MSRA: variants seen among roughly 807,000 people sequenced by gnomAD.
The protein encoded by MSRA is mitochondrial peptide methionine sulfoxide reductase.
A neutral mutation model predicts 31.3 loss-of-function variants in MSRA; 54 were observed. The ratio of observed to expected loss-of-function variants is 1.73; its 90% CI spans 1.39 to 2.17. The LOEUF (loss-of-function observed/expected upper bound fraction) is 2.17, where lower values mean the gene tolerates loss of function less well. MSRA is among the 30% of genes most tolerant of loss of function. The probability of loss-of-function intolerance (pLI) is 0.00; values close to 1 mark genes in which losing one functional copy is unlikely to be tolerated. For synonymous variants in MSRA, 169 were observed against 116.5 expected (o/e 1.45, Z -2.90); for missense variants, 507 against 300.9 (o/e 1.69, Z -5.07).
intron 4 of MSRA, among the ~76,000 whole-genome samples, chr8:10,314,497 CA>C (rs140770174): frequency 1.4e-4 from 21 of 152,242 alleles, no homozygotes; most frequent in African/African-American, 5.1e-4. Context: ...CTGACATTAG[CA>C]GACTTTAATG....
chr8:10,343,171 G>C (rs1585531833), intron 5 of MSRA, among the ~76,000 whole-genome samples: 2 of 152,092 alleles, frequency 1.3e-5, no homozygotes, highest in East Asian at 3.9e-4. Flanking sequence ...CCATCTCTTG[G>C]TCTCAATTGT....
intron 3 of MSRA, among the ~76,000 whole-genome samples, chr8:10,298,046 C>T (rs117766507): frequency 1.1e-3 from 172 of 152,264 alleles, no homozygotes; most frequent in Middle Eastern, 3.4e-3. Context: ...AAACCTGGTT[C>T]GCGTATGACT....
Position 10,137,161 on chromosome 8 carries a change from C to G in MSRA, c.143-70672C>G, listed in dbSNP as rs144653335. Among the ~76,000 whole-genome samples, 269 of 152,264 alleles carry G rather than the reference C, an allele frequency of 1.8e-3. 1 individual carries two copies. Among genetic ancestry groups the G allele is most frequent in the African/African-American group, 6.1e-3 (254 of 41,546 alleles). ...TGCTTTGCTGGGACGATGGGTGGCT[C>G]GCCCAGCAAATCATCATTGGAGCCT... On this transcript the variant is annotated intron_variant, in intron 1 of 5. Transcript: ENST00000317173.
At chr8:10,193,895 A>C (rs915034676) in intron 1 of MSRA, among the ~76,000 whole-genome samples, 2 of 152,206 alleles carry the variant, frequency 1.3e-5, no homozygotes, top group Admixed American at 1.3e-4. Flanking sequence ...AAATCTACCC[A>C]CTTATTGAAA....
intron 3 of MSRA, among the ~76,000 whole-genome samples, chr8:10,297,548 C>G (rs1170372665): frequency 6.6e-6 from 1 of 152,168 alleles, no homozygotes; most frequent in Non-Finnish European, 1.5e-5. Flanking sequence ...AGCACGTTGG[C>G]TGGTTCCTGT....
intron 5 of MSRA, chr8:10,337,263 TC>T (rs1030983412): frequency 6.5e-6 from 1 of 154,646 alleles, no homozygotes. Context: ...CACTGCAAGC[TC>T]CACCTCGTGG....
At chr8:10,417,419 G>C (rs1236986559) in intron 5 of MSRA, among the ~76,000 whole-genome samples, 2 of 145,380 alleles carry the variant, frequency 1.4e-5, no homozygotes, top group Non-Finnish European at 3.0e-5. Flanking sequence ...TTCGTCAGAA[G>C]ACACACACAC....
At chr8:10,376,219 G>C (rs1805748041) in intron 5 of MSRA, among the ~76,000 whole-genome samples, 1 of 152,118 alleles carries the variant, frequency 6.6e-6, no homozygotes, top group Non-Finnish European at 1.5e-5. Context: ...CTTGTACATG[G>C]GCGATCACAT....
At chr8:10,365,734 G>C (rs377277145) in intron 5 of MSRA, among the ~76,000 whole-genome samples, 7 of 152,350 alleles carry the variant, frequency 4.6e-5, no homozygotes, top group East Asian at 3.9e-4. Context: ...AGCCTATAGG[G>C]AAGGGAGATT....
At chr8:10,257,490 C>A (rs1283771812) in intron 3 of MSRA, among the ~76,000 whole-genome samples, 2 of 152,036 alleles carry the variant, frequency 1.3e-5, no homozygotes, top group South Asian at 4.1e-4. Flanking sequence ...CACTGCAACC[C>A]CCGCCTCCCT....
At chr8:10,114,324 A>ATGT (rs1236045800) in intron 1 of MSRA, among the ~76,000 whole-genome samples, 5 of 152,140 alleles carry the variant, frequency 3.3e-5, no homozygotes, top group Admixed American at 2.0e-4. Flanking sequence ...GTGTGAATAT[A>ATGT]TGTTTTCAAT....
intron 1 of MSRA, among the ~76,000 whole-genome samples, chr8:10,090,634 A>G (rs9644717): frequency 1.8e-4 from 27 of 152,214 alleles, no homozygotes; most frequent in African/African-American, 6.5e-4. Flanking sequence ...TTAAACCGTG[A>G]AAATGTTTGG....
At chr8:10,082,191 T>G (rs1158545473) in intron 1 of MSRA, among the ~76,000 whole-genome samples, 1 of 151,982 alleles carries the variant, frequency 6.6e-6, no homozygotes, top group Non-Finnish European at 1.5e-5. Flanking sequence ...GGTGGTAGTG[T>G]GAAACCCTGC....
At chr8:10,140,268 TTCA>T (rs1393598106) in intron 1 of MSRA, among the ~76,000 whole-genome samples, 5 of 152,300 alleles carry the variant, frequency 3.3e-5, no homozygotes, top group Admixed American at 3.3e-4. Flanking sequence ...GGGAGGGCAC[TTCA>T]CCAATGAGAA....
chr8:10,262,816 C>G (rs1412126021), intron 3 of MSRA, among the ~76,000 whole-genome samples: 1 of 152,230 alleles, frequency 6.6e-6, no homozygotes, highest in African/African-American at 2.4e-5. Flanking sequence ...TCAGGTTGGA[C>G]TGTTGCATGC....
chr8:10,193,835 A>T (rs1023408092), intron 1 of MSRA, among the ~76,000 whole-genome samples: 7 of 152,194 alleles, frequency 4.6e-5, no homozygotes, highest in Non-Finnish European at 7.3e-5. Context: ...ATGTTAGAGT[A>T]GCTGATTTAC....
At chr8:10,280,369 A>ATTCAG (rs1244095315) in intron 3 of MSRA, among the ~76,000 whole-genome samples, 2,788 of 151,640 alleles carry the variant, frequency 0.018, 95 homozygotes, top group African/African-American at 0.063. Flanking sequence ...CTAATAATTA[A>ATTCAG]TTCAAGTTAT....
intron 5 of MSRA, among the ~76,000 whole-genome samples, chr8:10,409,566 T>TA (rs1401188361): frequency 5.9e-5 from 9 of 152,346 alleles, no homozygotes; most frequent in African/African-American, 2.2e-4. Flanking sequence ...CAGCAGATAC[T>TA]ACTGTGATCT....
chr8:10,072,492 T>C (rs1797784811), intron 1 of MSRA, among the ~76,000 whole-genome samples: 1 of 152,204 alleles, frequency 6.6e-6, no homozygotes, highest in South Asian at 2.1e-4. Context: ...ATTGTCATGC[T>C]GTCTTGGTTA....
Sources: gnomAD v4.1 joint callset for allele counts (sites outside exome capture counted in the v4.1 genomes callset) on GRCh38, gnomAD v4.1.1 for gene constraint, MANE v1.5 for transcripts, NCBI Gene and HGNC (gene_info 2026-07-23, HGNC 2026-07-21) for gene names.